Variants in PDZRN4 observed in about 807,000 individuals in gnomAD.
The protein encoded by PDZRN4 is PDZ domain-containing RING finger protein 4.
A neutral mutation model predicts 99.0 loss-of-function variants in PDZRN4; 70 were observed. That is an observed-to-expected ratio of 0.71 (90% CI 0.58 to 0.86). The LOEUF (loss-of-function observed/expected upper bound fraction) is 0.86. Among genes scored for constraint, PDZRN4 ranks in the 40% least tolerant of loss-of-function variants. The probability of loss-of-function intolerance (pLI) is 0.00; values close to 1 mark genes in which losing one functional copy is unlikely to be tolerated. For missense variants in PDZRN4, 1,474 were observed against 1,331.2 expected, an observed-to-expected ratio of 1.11 and a Z score of -1.67; for synonymous variants, 551 against 501.6, an observed-to-expected ratio of 1.10 and a Z score of -1.32.
At chr12:41,288,853 T>C (rs1406984762) in intron 3 of PDZRN4, among the ~76,000 whole-genome samples, 1 of 152,154 alleles carries the variant, frequency 6.6e-6, no homozygotes, top group Non-Finnish European at 1.5e-5. Flanking sequence ...ATCCAAGCCT[T>C]CTGTATGTAT....
At chr12:41,565,775 A>C (rs966665971) in intron 8 of PDZRN4, among the ~76,000 whole-genome samples, 1 of 152,014 alleles carries the variant, frequency 6.6e-6, no homozygotes, top group Non-Finnish European at 1.5e-5. Flanking sequence ...TTTCTGTCCT[A>C]TTTCCCTCAG....
chr12:41,466,385 C>T (rs537331655), intron 3 of PDZRN4, among the ~76,000 whole-genome samples: 22 of 152,308 alleles, frequency 1.4e-4, no homozygotes, highest in African/African-American at 5.3e-4. Flanking sequence ...GGAGAAATTA[C>T]AGGAGGATTA....
chr12:41,491,605 T>C (rs1356362424), intron 3 of PDZRN4, among the ~76,000 whole-genome samples: 1 of 152,138 alleles, frequency 6.6e-6, no homozygotes, highest in Non-Finnish European at 1.5e-5. Flanking sequence ...TGCCTGTGCC[T>C]TCATAGATAA....
At chr12:41,259,527 T>A (rs17129172) in intron 3 of PDZRN4, among the ~76,000 whole-genome samples, 2,310 of 152,254 alleles carry the variant, frequency 0.015, 58 homozygotes, top group African/African-American at 0.054. Flanking sequence ...GAAATTAGAC[T>A]GAGGGTTGGA....
chr12:41,573,393 T>C lies in PDZRN4; in HGVS notation c.2614T>C (p.Leu872=). Residue 872 remains leucine (L), a synonymous_variant, in exon 10 of 10, where the codon TTG becomes CTG. Coordinates refer to ENST00000402685, the MANE Select transcript of PDZRN4 (RefSeq NM_001164595.2). ...AVEYAQSQLS[L]VSMCKESQKC... ...CGAGTATGCTCAGAGTCAGCTCAGC[T>C]TGGTGAGCATGTGCAAGGAGTCTCA... 2 of 1,613,428 alleles carry C rather than the reference T, an allele frequency of 1.2e-6. No homozygotes were observed. The highest frequency in any genetic ancestry group is 1.7e-6 in the Non-Finnish European group (2 of 1,179,978).
At chr12:41,213,904 C>T (rs545932560) in intron 3 of PDZRN4, among the ~76,000 whole-genome samples, 56 of 152,078 alleles carry the variant, frequency 3.7e-4, no homozygotes, top group African/African-American at 1.3e-3. Context: ...CTCTCTGGTC[C>T]TCTATGTCCT....
At chr12:41,199,590 A>G (rs1950801463) in intron 3 of PDZRN4, among the ~76,000 whole-genome samples, 3 of 152,214 alleles carry the variant, frequency 2.0e-5, no homozygotes. Flanking sequence ...ACAATAGCAA[A>G]GTCACGGAAT....
rs1208854457 is a variant in PDZRN4 at position 41,337,980 on chromosome 12, A to G, written c.843+143792A>G. Among the ~76,000 whole-genome samples, 3 of 152,044 alleles carry G rather than the reference A, an allele frequency of 2.0e-5. No individual in the cohort carries two copies. The East Asian group carries it at 5.8e-4, about 29-fold the overall frequency. On this transcript the variant is annotated intron_variant, in intron 3 of 9. Coordinates refer to ENST00000402685, the MANE Select transcript of PDZRN4 (RefSeq NM_001164595.2). ...TACTATGTTGTCTAGGCTTGACTCAAACTGCTGGGCTCAAGCAATCCTCCT... is the reference window on the plus strand; with the variant it reads ...TACTATGTTGTCTAGGCTTGACTCAGACTGCTGGGCTCAAGCAATCCTCCT...
At chr12:41,259,042 C>T (rs1038829384) in intron 3 of PDZRN4, among the ~76,000 whole-genome samples, 1 of 152,006 alleles carries the variant, frequency 6.6e-6, no homozygotes, top group African/African-American at 2.4e-5. Context: ...CAATTGCATG[C>T]ATTTAGAAAT....
chr12:41,395,019 T>A (rs1051704923), intron 3 of PDZRN4, among the ~76,000 whole-genome samples: 2 of 152,156 alleles, frequency 1.3e-5, no homozygotes, highest in Non-Finnish European at 2.9e-5. Context: ...TTTAAACCAC[T>A]GCAGTTCACT....
chr12:41,551,235 C>T (rs1156952166), intron 5 of PDZRN4, among the ~76,000 whole-genome samples: 1 of 152,014 alleles, frequency 6.6e-6, no homozygotes, highest in East Asian at 1.9e-4. Context: ...GGCAAGATAG[C>T]TCTCTGGGGC....
At chr12:41,544,083 T>C (rs1266504405) in intron 5 of PDZRN4, among the ~76,000 whole-genome samples, 7 of 152,352 alleles carry the variant, frequency 4.6e-5, no homozygotes, top group Non-Finnish European at 7.4e-5. Context: ...AATGAAACAT[T>C]ATTCACAAAT....
chr12:41,312,277 AC>A (rs939872496), intron 3 of PDZRN4, among the ~76,000 whole-genome samples: 2 of 151,566 alleles, frequency 1.3e-5, no homozygotes, highest in African/African-American at 4.8e-5. Context: ...AAAAAAAAAA[AC>A]ACACATACAC....
intron 3 of PDZRN4, among the ~76,000 whole-genome samples, chr12:41,501,366 G>T (rs1308980640): frequency 6.6e-6 from 1 of 152,086 alleles, no homozygotes; most frequent in Non-Finnish European, 1.5e-5. Flanking sequence ...TTTTGCATGT[G>T]GTTGGATTTG....
chr12:41,240,694 G>A (rs1951096307), intron 3 of PDZRN4, among the ~76,000 whole-genome samples: 1 of 152,192 alleles, frequency 6.6e-6, no homozygotes, highest in Non-Finnish European at 1.5e-5. Flanking sequence ...GGTGTCTGGT[G>A]GGGATTCACT....
intron 3 of PDZRN4, among the ~76,000 whole-genome samples, chr12:41,278,137 A>T (rs559742238): frequency 3.9e-5 from 6 of 152,318 alleles, no homozygotes; most frequent in African/African-American, 1.2e-4. Flanking sequence ...TCAAAATTCA[A>T]ATCCCTTTTA....
rs182008958 is a variant in PDZRN4, at chr12:41,490,975, C to T, written c.844-15481C>T. The stretch of plus-strand genomic sequence containing the variant: ...AACAAGACAGAGCAGAGGAGGCTTC[C>T]GTACTCTAAGTAGCACAGAACATTT... On this transcript the variant is annotated intron_variant, in intron 3 of 9. Coordinates refer to ENST00000402685, the MANE Select transcript of PDZRN4 (RefSeq NM_001164595.2). 6.6e-5 allele frequency among the ~76,000 whole-genome samples: 10 copies of T among 152,210 alleles called. No individual in the cohort carries two copies. The East Asian group carries it at 1.5e-3, about 24-fold the overall frequency.
intron 3 of PDZRN4, among the ~76,000 whole-genome samples, chr12:41,280,155 C>A (rs12306285): frequency 0.081 from 12,352 of 152,190 alleles, 641 homozygotes; most frequent in African/African-American, 0.14. Context: ...CTGAGGGACC[C>A]TGCCATGAGG....
chr12:41,282,076 G>T (rs2217492), intron 3 of PDZRN4, among the ~76,000 whole-genome samples: 12,349 of 152,146 alleles, frequency 0.081, 637 homozygotes, highest in African/African-American at 0.14. Flanking sequence ...GCAAAGACTG[G>T]CAAATTCGAT....
Sources: allele counts gnomAD v4.1 joint callset (sites outside exome capture counted in the v4.1 genomes callset), GRCh38; gene constraint gnomAD v4.1.1; transcripts MANE v1.5; gene names NCBI Gene and HGNC (gene_info 2026-07-23, HGNC 2026-07-21).